Variants in PIEZO2 observed in about 807,000 individuals in gnomAD.
The protein encoded by PIEZO2 is piezo type mechanosensitive ion channel component 2, also known as piezo-type mechanosensitive ion channel component 2.
A neutral mutation model predicts 337.3 loss-of-function variants in PIEZO2; 172 were observed. The ratio of observed to expected loss-of-function variants is 0.51; its 90% CI spans 0.45 to 0.58. The LOEUF is 0.58. Ranked by LOEUF, PIEZO2 falls within the 20% of genes least tolerant of loss-of-function variation. PIEZO2 has a pLI of 0.00. For missense variants in PIEZO2, 3,028 were observed against 3,391.3 expected, an observed-to-expected ratio of 0.89 and a Z score of 2.66; for synonymous variants, 1,251 against 1,228.5, an observed-to-expected ratio of 1.02 and a Z score of -0.38.
chr18:10,939,509 A>C (rs111752462), intron 3 of PIEZO2, among the ~76,000 whole-genome samples: 1,566 of 152,318 alleles, frequency 0.01, 32 homozygotes, highest in African/African-American at 0.035. Flanking sequence ...AAAGACTTGG[A>C]ACCAACCCAA....
intron 52 of PIEZO2, among the ~76,000 whole-genome samples, chr18:10,679,942 C>G (rs1251875834): frequency 1.3e-5 from 2 of 152,058 alleles, no homozygotes; most frequent in African/African-American, 4.8e-5. Context: ...AACCAGAAAA[C>G]TAAAGTTAGC....
intron 47 of PIEZO2, among the ~76,000 whole-genome samples, chr18:10,692,589 G>T (rs1390615119): frequency 1.3e-5 from 2 of 151,044 alleles, no homozygotes; most frequent in Non-Finnish European, 2.9e-5. Flanking sequence ...GATATCTAAT[G>T]GTTCCAGCAC....
chr18:10,932,933 T>TA lies in PIEZO2; in HGVS notation c.287-21706dup, dbSNP rs755073723. On this transcript the variant is annotated intron_variant, in intron 3 of 55. Transcript: ENST00000674853. The stretch of plus-strand genomic sequence containing the variant: ...AGCCAGACCCCTTCTCTAAAAAAGG[T>TA]AAAAAAAAAAAATATGAAAAGGAAA... 9.3e-3 allele frequency among the ~76,000 whole-genome samples: 1,293 copies of TA among 138,354 alleles called. 16 individuals are homozygous for TA. The highest frequency in any genetic ancestry group is 0.026 in the African/African-American group (968 of 37,682). The allele number at this position is 138,354 out of a possible 152,430, so 90.8% of individuals were successfully genotyped here.
At position 10,731,396 on chromosome 18, in the gene PIEZO2, C is replaced by G. The variant is rs2036780185; in HGVS notation, c.5029+11G>C. The G allele has an allele frequency of 6.6e-7, 1 of 1,526,226 alleles. No homozygotes were observed. Among genetic ancestry groups the G allele is most frequent in the African/African-American group, 1.4e-5 (1 of 72,466 alleles). The allele number at this position is 1,526,226 out of a possible 1,614,324, so 94.5% of individuals were successfully genotyped here. A position where few individuals can be genotyped will look rare whatever the true frequency, so the allele number is the denominator to read the frequency against. On this transcript the variant is annotated intron_variant, in intron 36 of 55. Coordinates refer to ENST00000674853, the MANE Select transcript of PIEZO2 (RefSeq NM_001378183.1). ...GCCACACCCACCACAGCCACCCCAC[C>G]CACCACTCACCCTCCTTGGATCCTT...
chr18:11,085,776 T>A (rs8099612), intron 1 of PIEZO2, among the ~76,000 whole-genome samples: 34,613 of 133,006 alleles, frequency 0.26, 4,378 homozygotes, highest in East Asian at 0.54. Context: ...AGAAAAAAAA[T>A]TTTTTTTAAA....
intron 1 of PIEZO2, among the ~76,000 whole-genome samples, chr18:11,119,985 T>C (rs1423848069): frequency 6.6e-6 from 1 of 152,192 alleles, no homozygotes; most frequent in African/African-American, 2.4e-5. Flanking sequence ...TACCTCCATG[T>C]TATAATTTGG....
Position 11,148,580 on chromosome 18 carries a change from T to C in PIEZO2, c.9A>G (p.Ser3=). Residue 3 remains serine (S), a synonymous_variant, in exon 1 of 56, where the codon TCA becomes TCG. Transcript: ENST00000674853. The surrounding 1 kb of genome is among the most constrained non-coding windows in gnomAD (Gnocchi z 5.2). ...TGAAGATGAGCCCGCACACCACTTC[T>C]GAGGCCATCGCGTCGGTCCGGCGAG... MA[S]EVVCGLIFRL... 2 of 1,537,098 alleles carry C rather than the reference T, an allele frequency of 1.3e-6. No homozygotes were observed. Among genetic ancestry groups the C allele is most frequent in the Non-Finnish European group, 1.7e-6 (2 of 1,146,876 alleles).
In PIEZO2 at chr18:10,862,702, C is replaced by T. The variant is rs1476304037; in HGVS notation, c.493-5491G>A. 1.3e-5 allele frequency among the ~76,000 whole-genome samples: 2 copies of T among 152,162 alleles called. No individual in the cohort carries two copies. The highest frequency in any genetic ancestry group is 3.9e-4 in the East Asian group (2 of 5,194). On this transcript the variant is annotated intron_variant, in intron 5 of 55. Coordinates refer to ENST00000674853, the MANE Select transcript of PIEZO2 (RefSeq NM_001378183.1). The surrounding 1 kb of genome is among the most constrained non-coding windows in gnomAD (Gnocchi z 4.4). ...AGGCTCAACCTCAAACTTACTAAAT[C>T]AGAAATTATGGGAATGAATTCCAGG...
chr18:11,115,481 A>G (rs900447697), intron 1 of PIEZO2, among the ~76,000 whole-genome samples: 2 of 152,248 alleles, frequency 1.3e-5, no homozygotes, highest in African/African-American at 2.4e-5. Context: ...GAAATGTTAG[A>G]TAAGCATGGG....
chr18:10,787,334 G>A (rs943865621), intron 15 of PIEZO2, 150 bp from the exon 16 acceptor site: 12 of 894,924 alleles, frequency 1.3e-5, no homozygotes, highest in African/African-American at 6.8e-5. Flanking sequence ...TTAATGTTCC[G>A]TGTCTATCAC....
At chr18:10,970,659 T>TTCTC (rs146379231) in intron 3 of PIEZO2, among the ~76,000 whole-genome samples, 2 of 117,234 alleles carry the variant, frequency 1.7e-5, no homozygotes, top group Non-Finnish European at 3.4e-5. Context: ...AAAAAGATGT[T>TTCTC]TCACACACAC....
rs2035525666 is a variant in PIEZO2 at position 11,001,315 on chromosome 18, G to C, written c.161-21655C>G. 6.6e-6 allele frequency among the ~76,000 whole-genome samples: 1 copy of C among 152,098 alleles called. No homozygotes were observed. Among genetic ancestry groups the C allele is most frequent in the Admixed American group, 6.5e-5 (1 of 15,272 alleles). Reference sequence around the variant, plus strand: ...ATTTCCTCAGCAGCTAGTAGAGAAGGCCAAAAGTCAGCACATCTTGCTAGG... The same window carrying C: ...ATTTCCTCAGCAGCTAGTAGAGAAGCCCAAAAGTCAGCACATCTTGCTAGG... On this transcript the variant is annotated intron_variant, in intron 2 of 55. Coordinates refer to ENST00000674853, the MANE Select transcript of PIEZO2 (RefSeq NM_001378183.1). The surrounding 1 kb of genome is among the most constrained non-coding windows in gnomAD (Gnocchi z 5.3).
In PIEZO2 at chr18:10,759,611, C is replaced by T; in HGVS notation, c.3656-28G>A. ...GCAGGGAGGGAAGTGGCGAACAGCACAATCAATACTCTTCTTCACCACTCT... is the reference window on the plus strand; with the variant it reads ...GCAGGGAGGGAAGTGGCGAACAGCATAATCAATACTCTTCTTCACCACTCT... On this transcript the variant is annotated intron_variant, in intron 25 of 55. Transcript: ENST00000674853. This position sits in a 1 kb window ranked among gnomAD's most constrained non-coding sequence, Gnocchi z 5.5. 6.5e-7 allele frequency: 1 copy of T among 1,534,980 alleles called. No homozygotes were observed. The highest frequency in any genetic ancestry group is 8.7e-7 in the Non-Finnish European group (1 of 1,144,792).
chr18:11,084,982 G>T (rs1568360591), intron 1 of PIEZO2, among the ~76,000 whole-genome samples: 1 of 152,302 alleles, frequency 6.6e-6, no homozygotes, highest in East Asian at 1.9e-4. Flanking sequence ...TCCTTCACCT[G>T]GAAGGTGGCT....
intron 4 of PIEZO2, among the ~76,000 whole-genome samples, chr18:10,880,846 C>CATATATATATATATATAT: frequency 1.5e-5 from 1 of 68,072 alleles, no homozygotes; most frequent in African/African-American, 5.7e-5. Flanking sequence ...TCCCACATAT[C>CATATATATATATATATAT]ATATATATAT....
At position 11,054,604 on chromosome 18, in the gene PIEZO2, T is replaced by G. The variant is rs2037649209; in HGVS notation, c.160+11523A>C. On this transcript the variant is annotated intron_variant, in intron 2 of 55. Coordinates refer to ENST00000674853, the MANE Select transcript of PIEZO2 (RefSeq NM_001378183.1). ...GACATTCTACATAAATGTATTAACA[T>G]AAAACCCTGACTTGGTTTACAGTGA... Among the ~76,000 whole-genome samples, 3 of 152,342 alleles carry G rather than the reference T, an allele frequency of 2.0e-5. No homozygotes were observed. The South Asian group carries it at 6.2e-4, about 32-fold the overall frequency.
chr18:10,684,932 A>T (rs1163095257), intron 49 of PIEZO2, among the ~76,000 whole-genome samples: 3 of 152,008 alleles, frequency 2.0e-5, no homozygotes, highest in Non-Finnish European at 4.4e-5. Flanking sequence ...CGGTGTCGTG[A>T]TCATGGCTCA....
chr18:10,879,092 T>C (rs1419773439), intron 4 of PIEZO2, among the ~76,000 whole-genome samples: 1 of 152,220 alleles, frequency 6.6e-6, no homozygotes, highest in African/African-American at 2.4e-5. Flanking sequence ...GGACAGTGCA[T>C]AGCATAAATA....
At chr18:10,778,311 C>T (rs1455414738) in intron 18 of PIEZO2, among the ~76,000 whole-genome samples, 1 of 151,058 alleles carries the variant, frequency 6.6e-6, no homozygotes, top group Non-Finnish European at 1.5e-5. Flanking sequence ...ATAACGTTTC[C>T]TTTGAGGCAC....
Sources: gnomAD v4.1 joint callset for allele counts (sites outside exome capture counted in the v4.1 genomes callset) on GRCh38, gnomAD v4.1.1 for gene constraint, Gnocchi (gnomAD v3.1) non-coding constraint, MANE v1.5 for transcripts, NCBI Gene and HGNC (gene_info 2026-07-23, HGNC 2026-07-21) for gene names.